SIPA1L2: variants seen among roughly 807,000 people sequenced by gnomAD.
SIPA1L2 encodes signal induced proliferation associated 1 like 2.
A neutral mutation model predicts 163.9 loss-of-function variants in SIPA1L2; 56 were observed. The ratio of observed to expected loss-of-function variants is 0.34; its 90% CI spans 0.28 to 0.43. The LOEUF is 0.43. SIPA1L2 is among the 20% of genes least tolerant of loss of function. The probability of loss-of-function intolerance (pLI) is 1.00; values close to 1 mark genes in which losing one functional copy is unlikely to be tolerated. For synonymous variants in SIPA1L2, 877 were observed against 865.7 expected (o/e 1.01, Z -0.23); for missense variants, 1,974 against 2,193.5 (o/e 0.90, Z 2.00).
chr1:232,534,886 A>G (rs958391587), intron 2 of SIPA1L2, among the ~76,000 whole-genome samples: 1 of 152,230 alleles, frequency 6.6e-6, no homozygotes, highest in Non-Finnish European at 1.5e-5. Flanking sequence ...TTCCCTCGCT[A>G]TCTGAACAGT....
intron 8 of SIPA1L2, among the ~76,000 whole-genome samples, chr1:232,467,835 A>C (rs1333228769): frequency 6.6e-6 from 1 of 152,198 alleles, no homozygotes; most frequent in African/African-American, 2.4e-5. Flanking sequence ...TGTCAGGGGA[A>C]ATTTCTTGTT....
At chr1:232,615,769 A>AG (rs755142756) in intron 1 of SIPA1L2, among the ~76,000 whole-genome samples, 92 of 152,150 alleles carry the variant, frequency 6.0e-4, no homozygotes, top group Non-Finnish European at 1.1e-3. Context: ...ACTTCCAATG[A>AG]GGGGGGGCAG....
intron 10 of SIPA1L2, among the ~76,000 whole-genome samples, chr1:232,446,781 C>T (rs1663242776): frequency 6.6e-6 from 1 of 152,242 alleles, no homozygotes; most frequent in Admixed American, 6.5e-5. Context: ...TTCAGGCACA[C>T]CATGTGCCTA....
At chr1:232,548,945 G>A (rs998690040) in intron 2 of SIPA1L2, among the ~76,000 whole-genome samples, 2 of 152,250 alleles carry the variant, frequency 1.3e-5, no homozygotes, top group Admixed American at 1.3e-4. Context: ...GTGCAGGGAG[G>A]AGCAGAAGCT....
rs1466217773 is a variant in SIPA1L2 at position 232,465,513 on chromosome 1, T to C, written c.2244-97A>G. 2.8e-5 allele frequency: 24 copies of C among 842,266 alleles called. No homozygotes were observed. Among genetic ancestry groups the C allele is most frequent in the South Asian group, 3.5e-5 (2 of 56,910 alleles). 52.2% of individuals were successfully genotyped at this position (842,266 alleles called of 1,614,324 possible). A position where few individuals can be genotyped will look rare whatever the true frequency, so the allele number is the denominator to read the frequency against. On this transcript the variant is annotated intron_variant, in intron 8 of 22. Transcript: ENST00000674635. This position sits in a 1 kb window ranked among gnomAD's most constrained non-coding sequence, Gnocchi z 4.1. ...ATATATATACACACACACACACATA[T>C]ACATACACACACACACACACATATA...
At chr1:232,626,718 C>T (rs892852382) in intron 1 of SIPA1L2, among the ~76,000 whole-genome samples, 1 of 152,148 alleles carries the variant, frequency 6.6e-6, no homozygotes, top group Non-Finnish European at 1.5e-5. Flanking sequence ...CACATACAAA[C>T]TTACTATAGG....
chr1:232,471,162 T>A (rs943491117), intron 8 of SIPA1L2, among the ~76,000 whole-genome samples: 3 of 152,222 alleles, frequency 2.0e-5, no homozygotes, highest in Admixed American at 6.5e-5. Context: ...ACAGAGGAAA[T>A]GTGTAATCCA....
At chr1:232,534,714 T>C (rs1436402310) in intron 2 of SIPA1L2, among the ~76,000 whole-genome samples, 1 of 152,132 alleles carries the variant, frequency 6.6e-6, no homozygotes, top group Non-Finnish European at 1.5e-5. Flanking sequence ...GGCTGGGATA[T>C]CACCACCATG....
At position 232,566,602 on chromosome 1, in the gene SIPA1L2, C is replaced by A. The variant is rs529449701; in HGVS notation, c.-270+7572G>T. ...AAGGCTTGTACAAAGCATGACATTG[C>A]ATTTTAAACATTTGTAGGGATAATC... On this transcript the variant is annotated intron_variant, in intron 2 of 22. Coordinates refer to ENST00000674635, the MANE Select transcript of SIPA1L2 (RefSeq NM_020808.5). Among the ~76,000 whole-genome samples the A allele has an allele frequency of 2.6e-4, 40 of 152,324 alleles. 1 individual carries two copies. In the South Asian group the frequency reaches 6.0e-3, roughly 23 times the overall value.
intron 3 of SIPA1L2, among the ~76,000 whole-genome samples, chr1:232,509,410 G>A (rs1036463233): frequency 4.6e-5 from 7 of 152,142 alleles, no homozygotes; most frequent in African/African-American, 1.7e-4. Flanking sequence ...CAAAATAAAA[G>A]CACTCTGGAA....
chr1:232,402,452 C>A lies in SIPA1L2; in HGVS notation c.4962G>T (p.Leu1654=). The A allele has an allele frequency of 2.5e-6, 4 of 1,613,480 alleles. No individual in the cohort carries two copies. The South Asian group carries it at 4.4e-5, about 18-fold the overall frequency. Reference sequence around the variant, plus strand: ...ATTCCAGCTGATTGACTTTCCCGGTCAGTGGTGATGGAGAACGCTCCCTAG... The same window carrying A: ...ATTCCAGCTGATTGACTTTCCCGGTAAGTGGTGATGGAGAACGCTCCCTAG... The part of the protein sequence containing the change: ...DTTGERSPSP[L]TGKVNQLELI... The change falls in exon 22 of 23, where the codon CTG becomes CTT. Residue 1654 remains leucine (L), a synonymous_variant. Transcript: ENST00000674635.
intron 2 of SIPA1L2, among the ~76,000 whole-genome samples, chr1:232,561,773 A>G (rs911189706): frequency 2.1e-4 from 32 of 152,190 alleles, no homozygotes; most frequent in Admixed American, 2.1e-3. Flanking sequence ...ATGAAAGAAA[A>G]TTCCGCTTTC....
intron 5 of SIPA1L2, among the ~76,000 whole-genome samples, chr1:232,485,909 T>C (rs528471976): frequency 4.5e-4 from 69 of 152,228 alleles, no homozygotes; most frequent in African/African-American, 1.3e-3. Context: ...CCCAGTAGAA[T>C]TGCTGCACCA....
chr1:232,551,180 T>C (rs1442664414), intron 2 of SIPA1L2, among the ~76,000 whole-genome samples: 2 of 152,234 alleles, frequency 1.3e-5, no homozygotes, highest in Non-Finnish European at 1.5e-5. Flanking sequence ...GCAGAATGCA[T>C]GTGTTTGGGA....
At chr1:232,406,095 C>T (rs567418070) in intron 19 of SIPA1L2, among the ~76,000 whole-genome samples, 1 of 152,332 alleles carries the variant, frequency 6.6e-6, no homozygotes, top group East Asian at 1.9e-4. Flanking sequence ...TAAGTACAGA[C>T]ACCAAGCTAC....
chr1:232,610,924 T>C (rs1662203527), intron 1 of SIPA1L2, among the ~76,000 whole-genome samples: 1 of 152,218 alleles, frequency 6.6e-6, no homozygotes. Flanking sequence ...CCCAGAGGGC[T>C]ACCAACGCTC....
intron 2 of SIPA1L2, among the ~76,000 whole-genome samples, chr1:232,531,349 T>C (rs993415699): frequency 9.2e-5 from 14 of 152,182 alleles, no homozygotes; most frequent in Non-Finnish European, 4.4e-5. Flanking sequence ...CAATGTCTTT[T>C]CCATCCCCTT....
At chr1:232,458,896 T>C (rs1215270808) in intron 10 of SIPA1L2, among the ~76,000 whole-genome samples, 1 of 152,202 alleles carries the variant, frequency 6.6e-6, no homozygotes, top group Non-Finnish European at 1.5e-5. Context: ...ATGTGATTCA[T>C]GGGACTCTGG....
At chr1:232,495,444 A>G (rs1666133226) in intron 3 of SIPA1L2, among the ~76,000 whole-genome samples, 1 of 151,942 alleles carries the variant, frequency 6.6e-6, no homozygotes, top group Non-Finnish European at 1.5e-5. Flanking sequence ...AGGTGCCTAT[A>G]GTCCCAGCTA....
Sources: allele counts gnomAD v4.1 joint callset (sites outside exome capture counted in the v4.1 genomes callset), GRCh38; gene constraint gnomAD v4.1.1; non-coding constraint Gnocchi (gnomAD v3.1); transcripts MANE v1.5; gene names NCBI Gene and HGNC (gene_info 2026-07-23, HGNC 2026-07-21).